Variants in GALNT17 observed in about 807,000 individuals in gnomAD.
The protein encoded by GALNT17 is UDP-GalNAc:polypeptide N-acetylgalactosaminyltransferase-like 3.
A neutral mutation model predicts 63.7 loss-of-function variants in GALNT17; 29 were observed. The observed-to-expected ratio is 0.46, with a 90% CI of 0.34 to 0.62. The LOEUF (loss-of-function observed/expected upper bound fraction) is 0.62, where lower values mean the gene tolerates loss of function less well. GALNT17 is among the 20% of genes least tolerant of loss of function. The probability of loss-of-function intolerance (pLI) is 0.01; values close to 1 mark genes in which losing one functional copy is unlikely to be tolerated. For synonymous variants in GALNT17, 305 were observed against 318.3 expected, an observed-to-expected ratio of 0.96 and a Z score of 0.45; for missense variants, 603 against 799.6, an observed-to-expected ratio of 0.75 and a Z score of 2.97.
chr7:71,672,999 T>A (rs72614850), intron 8 of GALNT17, among the ~76,000 whole-genome samples: 1 of 33,476 alleles, frequency 3.0e-5, no homozygotes, highest in African/African-American at 7.2e-5. Context: ...CACAGAGGTG[T>A]TTTTTTTTCC....
chr7:71,288,531 A>G (rs1447163270), intron 1 of GALNT17, among the ~76,000 whole-genome samples: 1 of 152,164 alleles, frequency 6.6e-6, no homozygotes, highest in African/African-American at 2.4e-5. Context: ...GTGGAAATTA[A>G]GTATGTATGT....
intron 3 of GALNT17, 114 bp downstream of exon 3, chr7:71,388,515 G>C: frequency 7.8e-7 from 1 of 1,289,108 alleles, no homozygotes; most frequent in Non-Finnish European, 1.1e-6. Flanking sequence ...GCATATCTGG[G>C]GAAGGGATAT....
chr7:71,434,210 T>C (rs1786918002), intron 5 of GALNT17, among the ~76,000 whole-genome samples: 1 of 152,212 alleles, frequency 6.6e-6, no homozygotes. Context: ...ATTGCGGGAC[T>C]TCACCTTGTG....
intron 6 of GALNT17, among the ~76,000 whole-genome samples, chr7:71,633,031 G>T (rs1790474172): frequency 6.6e-6 from 1 of 150,694 alleles, no homozygotes; most frequent in South Asian, 2.1e-4. Context: ...TTGAACCCGG[G>T]AGTGGGAGGT....
chr7:71,444,388 C>T (rs1184807363), intron 5 of GALNT17, among the ~76,000 whole-genome samples: 1 of 152,146 alleles, frequency 6.6e-6, no homozygotes, highest in Admixed American at 6.5e-5. Flanking sequence ...TGGCCTCCTG[C>T]CATGTGGCCA....
At position 71,183,116 on chromosome 7, in the gene GALNT17, A is replaced by C. The variant is rs542344055; in HGVS notation, c.238+50076A>C. ...GTGAAAGGGGCTTTTTCAATGGAGC[A>C]TCAGTACAAGGCGGAAACTGTGCCA... is the stretch of plus-strand genomic sequence containing the variant. On this transcript the variant is annotated intron_variant, in intron 1 of 10. Coordinates refer to ENST00000333538, the MANE Select transcript of GALNT17 (RefSeq NM_022479.3). 2.6e-3 allele frequency among the ~76,000 whole-genome samples: 390 copies of C among 152,246 alleles called. 2 individuals carry two copies. Among genetic ancestry groups the C allele is most frequent in the Non-Finnish European group, 4.3e-3 (295 of 68,014 alleles).
chr7:71,262,793 A>C (rs1460715113), intron 1 of GALNT17, among the ~76,000 whole-genome samples: 3 of 144,718 alleles, frequency 2.1e-5, no homozygotes, highest in Non-Finnish European at 4.5e-5. Flanking sequence ...TGATCCTCCC[A>C]CCTGAGCTCC....
At chr7:71,276,848 A>C (rs1790691532) in intron 1 of GALNT17, among the ~76,000 whole-genome samples, 1 of 152,054 alleles carries the variant, frequency 6.6e-6, no homozygotes, top group Admixed American at 6.6e-5. Flanking sequence ...AAATATAAAA[A>C]TTAAGCAGGC....
At chr7:71,240,669 T>TTTC (rs1170342083) in intron 1 of GALNT17, among the ~76,000 whole-genome samples, 8 of 150,032 alleles carry the variant, frequency 5.3e-5, no homozygotes, top group East Asian at 2.0e-4. Flanking sequence ...TCTTTTTTCT[T>TTTC]TTTTTCCTTT....
intron 5 of GALNT17, among the ~76,000 whole-genome samples, chr7:71,526,306 A>G (rs1788623703): frequency 6.6e-6 from 1 of 152,090 alleles, no homozygotes; most frequent in African/African-American, 2.4e-5. Flanking sequence ...GTCAAAAACC[A>G]ATTTCTTTTC....
At chr7:71,457,237 G>C (rs1241080640) in intron 5 of GALNT17, among the ~76,000 whole-genome samples, 1 of 152,172 alleles carries the variant, frequency 6.6e-6, no homozygotes, top group African/African-American at 2.4e-5. Flanking sequence ...TTCCTTGTGG[G>C]CAAATTGCAG....
At chr7:71,425,981 G>GC (rs1219146971) in intron 5 of GALNT17, among the ~76,000 whole-genome samples, 2 of 152,124 alleles carry the variant, frequency 1.3e-5, no homozygotes, top group African/African-American at 4.8e-5. Context: ...GTAGGAGGAA[G>GC]AAGAGAGAAG....
intron 2 of GALNT17, among the ~76,000 whole-genome samples, chr7:71,351,187 T>C (rs1478034772): frequency 6.6e-6 from 1 of 152,030 alleles, no homozygotes; most frequent in African/African-American, 2.4e-5. Context: ...ATAAAGCCTC[T>C]GTCAGAAAAC....
chr7:71,357,637 G>T (rs964451278), intron 2 of GALNT17, among the ~76,000 whole-genome samples: 1 of 152,118 alleles, frequency 6.6e-6, no homozygotes, highest in South Asian at 2.1e-4. Context: ...CTTTGGCTAG[G>T]TGCTTACGCC....
intron 5 of GALNT17, among the ~76,000 whole-genome samples, chr7:71,454,656 AG>A (rs1382414602): frequency 6.6e-6 from 1 of 152,154 alleles, no homozygotes. Flanking sequence ...AATAAGCTAT[AG>A]GAGGAGTCAT....
chr7:71,352,372 AT>A (rs1792204770), intron 2 of GALNT17, among the ~76,000 whole-genome samples: 1 of 152,172 alleles, frequency 6.6e-6, no homozygotes, highest in Non-Finnish European at 1.5e-5. Flanking sequence ...AAGAACTAAT[AT>A]ACATAGTAAG....
intron 1 of GALNT17, among the ~76,000 whole-genome samples, chr7:71,181,224 C>T (rs1250329716): frequency 2.0e-5 from 3 of 150,594 alleles, no homozygotes; most frequent in African/African-American, 4.9e-5. Context: ...CACTACACTC[C>T]AGCCTGGGCG....
intron 6 of GALNT17, among the ~76,000 whole-genome samples, chr7:71,648,566 C>G (rs1790713743): frequency 6.6e-6 from 1 of 152,082 alleles, no homozygotes; most frequent in Non-Finnish European, 1.5e-5. Context: ...AGCCACTATG[C>G]TTGGTCCACT....
At chr7:71,401,405 T>C (rs1199001483) in intron 3 of GALNT17, among the ~76,000 whole-genome samples, 3 of 152,038 alleles carry the variant, frequency 2.0e-5, no homozygotes, top group Non-Finnish European at 4.4e-5. Context: ...CCCTCAATAC[T>C]CTTTTATATG....
Sources: gnomAD v4.1 joint callset for allele counts (sites outside exome capture counted in the v4.1 genomes callset) on GRCh38, gnomAD v4.1.1 for gene constraint, MANE v1.5 for transcripts, NCBI Gene and HGNC (gene_info 2026-07-23, HGNC 2026-07-21) for gene names.